RAD54L2: variants seen among roughly 807,000 people sequenced by gnomAD.
RAD54L2 encodes the protein helicase ARIP4.
RAD54L2 carries 27 observed loss-of-function variants against 138.4 expected under a neutral mutation model. The ratio of observed to expected loss-of-function variants is 0.20; its 90% CI spans 0.14 to 0.27. The LOEUF is 0.27. RAD54L2 is among the 10% of genes least tolerant of loss of function. RAD54L2 has a pLI of 1.00. For synonymous variants in RAD54L2, 644 were observed against 723.2 expected (o/e 0.89, Z 1.76); for missense variants, 1,396 against 1,890.2 (o/e 0.74, Z 4.85).
intron 2 of RAD54L2, among the ~76,000 whole-genome samples, chr3:51,577,249 A>C (rs1028491617): frequency 6.6e-6 from 1 of 152,126 alleles, no homozygotes; most frequent in Non-Finnish European, 1.5e-5. Flanking sequence ...TTTGCTGAGG[A>C]GTGCTTTACT....
At chr3:51,614,536 C>A (rs1411309685) in intron 3 of RAD54L2, among the ~76,000 whole-genome samples, 3 of 150,812 alleles carry the variant, frequency 2.0e-5, no homozygotes, top group Admixed American at 1.3e-4. Context: ...TTTTTTGAAA[C>A]AAGATCTTGC....
At chr3:51,593,384 G>A (rs576545417) in intron 3 of RAD54L2, among the ~76,000 whole-genome samples, 7 of 150,972 alleles carry the variant, frequency 4.6e-5, no homozygotes, top group African/African-American at 1.7e-4. Flanking sequence ...CCAGGCTGGA[G>A]TGCAGTGGCG....
intron 2 of RAD54L2, 114 bp from the exon 3 acceptor site, chr3:51,590,253 A>G: frequency 1.4e-6 from 1 of 705,692 alleles, no homozygotes; most frequent in Non-Finnish European, 2.2e-6. Context: ...GACCTCCCAA[A>G]GTGCTGGGAT....
chr3:51,553,669 G>A (rs566297101), intron 2 of RAD54L2, among the ~76,000 whole-genome samples: 2 of 152,060 alleles, frequency 1.3e-5, no homozygotes, highest in South Asian at 2.1e-4. Flanking sequence ...TCTACAAAAC[G>A]TTTTAAAAAT....
chr3:51,559,305 A>G (rs1342994896), intron 2 of RAD54L2, among the ~76,000 whole-genome samples: 11 of 152,310 alleles, frequency 7.2e-5, no homozygotes, highest in Non-Finnish European at 1.5e-4. Flanking sequence ...CTTATAAGGA[A>G]TCTTGAATCT....
chr3:51,630,603 C>A, intron 6 of RAD54L2, 102 bp from the exon 7 acceptor site: 1 of 1,081,352 alleles, frequency 9.2e-7, no homozygotes, highest in Non-Finnish European at 1.3e-6. Flanking sequence ...TAAGTGTTGA[C>A]AAGTTCTAAC....
chr3:51,603,836 C>CT (rs1700125662), intron 3 of RAD54L2, among the ~76,000 whole-genome samples: 1 of 151,984 alleles, frequency 6.6e-6, no homozygotes, highest in African/African-American at 2.4e-5. Flanking sequence ...AGTAAGTGGG[C>CT]TAGCCAGGTG....
chr3:51,632,550 C>G (rs912642728), intron 7 of RAD54L2, among the ~76,000 whole-genome samples: 3 of 151,130 alleles, frequency 2.0e-5, no homozygotes, highest in African/African-American at 7.3e-5. Context: ...ACACCTTGGC[C>G]TCCCAAAGCG....
chr3:51,637,562 A>G lies in RAD54L2; in HGVS notation c.1682+59A>G. 6.7e-7 allele frequency: 1 copy of G among 1,495,538 alleles called. No homozygotes were observed. Among genetic ancestry groups the G allele is most frequent in the Non-Finnish European group, 9.1e-7 (1 of 1,102,604 alleles). 92.6% of individuals were successfully genotyped at this position (1,495,538 alleles called of 1,614,324 possible). On this transcript the variant is annotated intron_variant, in intron 11 of 22. Transcript: ENST00000684192. This position sits in a 1 kb window ranked among gnomAD's most constrained non-coding sequence, Gnocchi z 5.9. ...TTCAGAGGGCCCTGTTGCCAAGGGC[A>G]TGCCAAACCTGTTATACAGGATAGG... is the stretch of plus-strand genomic sequence containing the variant.
chr3:51,588,005 T>C (rs1699744394), intron 2 of RAD54L2, among the ~76,000 whole-genome samples: 1 of 151,316 alleles, frequency 6.6e-6, no homozygotes, highest in Non-Finnish European at 1.5e-5. Flanking sequence ...GCTAACACGG[T>C]GAGACCCCGT....
intron 3 of RAD54L2, among the ~76,000 whole-genome samples, chr3:51,613,745 A>T (rs2059674703): frequency 6.7e-6 from 1 of 148,240 alleles, no homozygotes; most frequent in Non-Finnish European, 1.5e-5. Flanking sequence ...AGCCTGGGCG[A>T]TAGAGTGAGA....
At chr3:51,558,219 C>A (rs529202316) in intron 2 of RAD54L2, among the ~76,000 whole-genome samples, 1 of 152,182 alleles carries the variant, frequency 6.6e-6, no homozygotes, top group African/African-American at 2.4e-5. Flanking sequence ...ACTGATTGAC[C>A]GAATCCATGC....
rs1450969055 is a variant in RAD54L2, at chr3:51,664,883, CTA to C, written c.*1465_*1466del. On this transcript the variant is annotated 3_prime_UTR_variant, in exon 23 of 23. Transcript: ENST00000684192. ...TGGGATGATGTTAGATGTTGGCTCT[CTA>C]TGCTGAATAGTGAAGCTGTGGATAG... 1 of 152,210 alleles carries C rather than the reference CTA, an allele frequency of 6.6e-6. No individual in the cohort carries two copies. The highest frequency in any genetic ancestry group is 1.5e-5 in the Non-Finnish European group (1 of 68,038). The allele number at this position is 152,210 out of a possible 1,614,324, so 9.4% of individuals were successfully genotyped here.
intron 2 of RAD54L2, among the ~76,000 whole-genome samples, chr3:51,561,675 C>T (rs1699102809): frequency 6.6e-6 from 1 of 152,072 alleles, no homozygotes; most frequent in South Asian, 2.1e-4. Flanking sequence ...AATCCTCCCA[C>T]CTCAGCCTCC....
At chr3:51,609,571 G>A (rs1434461368) in intron 3 of RAD54L2, among the ~76,000 whole-genome samples, 3 of 152,198 alleles carry the variant, frequency 2.0e-5, no homozygotes, top group African/African-American at 4.8e-5. Context: ...TTTTGTAAAG[G>A]TTTCTTATTT....
At chr3:51,642,200 C>T (rs1701155122) in intron 15 of RAD54L2, among the ~76,000 whole-genome samples, 1 of 151,980 alleles carries the variant, frequency 6.6e-6, no homozygotes, top group African/African-American at 2.4e-5. Context: ...TAAGGTGTCT[C>T]AAAAATGGGG....
intron 2 of RAD54L2, among the ~76,000 whole-genome samples, chr3:51,556,193 T>A (rs1344604372): frequency 1.3e-5 from 2 of 152,162 alleles, no homozygotes; most frequent in Non-Finnish European, 1.5e-5. Flanking sequence ...TAGCCTAGCC[T>A]TCTTCTTTCT....
At chr3:51,557,461 G>A (rs993742514) in intron 2 of RAD54L2, among the ~76,000 whole-genome samples, 3 of 151,898 alleles carry the variant, frequency 2.0e-5, no homozygotes, top group Non-Finnish European at 2.9e-5. Context: ...GGGATTAGAG[G>A]TGTGAGCCAC....
chr3:51,594,338 G>T (rs1399151188), intron 3 of RAD54L2, among the ~76,000 whole-genome samples: 1 of 152,078 alleles, frequency 6.6e-6, no homozygotes, highest in Non-Finnish European at 1.5e-5. Context: ...CTCCCAAAGT[G>T]CTGGGATTAC....
Sources: gnomAD v4.1 joint callset for allele counts (sites outside exome capture counted in the v4.1 genomes callset) on GRCh38, gnomAD v4.1.1 for gene constraint, Gnocchi (gnomAD v3.1) non-coding constraint, MANE v1.5 for transcripts, NCBI Gene and HGNC (gene_info 2026-07-23, HGNC 2026-07-21) for gene names.